The following CEMIP2 variants were observed in gnomAD, a reference collection of about 807,000 sequenced individuals.
The protein encoded by CEMIP2 is cell migration inducing hyaluronidase 2, also known as cell surface hyaluronidase CEMIP2.
A neutral mutation model predicts 146.9 loss-of-function variants in CEMIP2; 79 were observed. The observed-to-expected ratio is 0.54, with a 90% confidence interval of 0.45 to 0.65. The LOEUF is 0.65. CEMIP2 is among the 30% of genes least tolerant of loss of function. CEMIP2 has a pLI of 0.00. For missense variants in CEMIP2, 1,596 were observed against 1,696.2 expected (o/e 0.94, Z 1.04); for synonymous variants, 601 against 606.3 (o/e 0.99, Z 0.13).
intron 17 of CEMIP2, among the ~76,000 whole-genome samples, chr9:71,706,518 T>C (rs1822744311): frequency 6.6e-6 from 1 of 152,190 alleles, no homozygotes; most frequent in South Asian, 2.1e-4. Context: ...ATTTGTAATA[T>C]AGATCAGGTT....
At chr9:71,754,660 T>A (rs1390054611) in intron 1 of CEMIP2, among the ~76,000 whole-genome samples, 1 of 152,198 alleles carries the variant, frequency 6.6e-6, no homozygotes, top group Non-Finnish European at 1.5e-5. Flanking sequence ...CAATGTACTC[T>A]ACAAAGCTTT....
At chr9:71,766,260 A>G (rs1196231052) in intron 1 of CEMIP2, among the ~76,000 whole-genome samples, 1 of 151,366 alleles carries the variant, frequency 6.6e-6, no homozygotes, top group Admixed American at 6.6e-5. Flanking sequence ...TTTAGTAGAG[A>G]TAGGGTTTTA....
intron 6 of CEMIP2, among the ~76,000 whole-genome samples, chr9:71,733,474 C>T (rs1823679151): frequency 6.6e-6 from 1 of 151,964 alleles, no homozygotes; most frequent in East Asian, 1.9e-4. Flanking sequence ...TTGTTTATGC[C>T]CTGTATTATC....
chr9:71,767,512 C>T (rs1346185357), intron 1 of CEMIP2, among the ~76,000 whole-genome samples: 1 of 152,236 alleles, frequency 6.6e-6, no homozygotes, highest in Non-Finnish European at 1.5e-5. Context: ...GTTTTCCTAA[C>T]CTGCGGAGAA....
At chr9:71,756,193 A>AGATGGATAGATG in intron 1 of CEMIP2, among the ~76,000 whole-genome samples, 1 of 145,116 alleles carries the variant, frequency 6.9e-6, no homozygotes, top group African/African-American at 2.5e-5. Context: ...CAAAAATGCT[A>AGATGGATAGATG]GATAGATAGA....
intron 22 of CEMIP2, among the ~76,000 whole-genome samples, chr9:71,688,384 T>C (rs1216718100): frequency 6.6e-6 from 1 of 151,864 alleles, no homozygotes; most frequent in Admixed American, 6.6e-5. Context: ...TTTATGGTAG[T>C]CTTTCTTTCT....
In CEMIP2 at chr9:71,750,264, G is replaced by A. The variant is rs751223139; in HGVS notation, c.110C>T (p.Pro37Leu). The change falls in exon 2 of 24, where the codon CCC becomes CTC. Residue 37 changes from proline to leucine, a missense_variant. Pro to Leu is a moderately conservative substitution (Grantham distance 98). Coordinates refer to ENST00000377044, the MANE Select transcript of CEMIP2 (RefSeq NM_013390.3). ...AGCTTGACTCTTTGGAGGAGGAGGG[G>A]GACGCAATGGGACAACCTTCCCTGG... is the stretch of plus-strand genomic sequence containing the variant. ...YVPGKVVPLRPPPPPKSQASA... is the reference protein window; with the variant it reads ...YVPGKVVPLRLPPPPKSQASA... 1.9e-6 allele frequency: 3 copies of A among 1,613,998 alleles called. No homozygotes were observed. The highest frequency in any genetic ancestry group is 3.3e-4 in the Middle Eastern group (2 of 6,060).
At chr9:71,699,006 C>T (rs933366915) in intron 19 of CEMIP2, among the ~76,000 whole-genome samples, 4 of 146,846 alleles carry the variant, frequency 2.7e-5, no homozygotes, top group Non-Finnish European at 5.9e-5. Context: ...TCAAATGGCA[C>T]ACTGAGTATC....
Position 71,712,122 on chromosome 9 carries a change from G to T in CEMIP2, c.2730C>A (p.Thr910=). The change falls in exon 16 of 24, where the codon ACC becomes ACA. Residue 910 remains threonine, a synonymous_variant. Transcript: ENST00000377044. ...GFLMKNSWQI[T]PRNNISLVKF... is the part of the protein sequence containing the mutation. Reference sequence around the variant, plus strand: ...TCACGAGGGAGATATTATTCCTGGGGGTTATCTGCCAGGAATTCTTCATGA... The same window carrying T: ...TCACGAGGGAGATATTATTCCTGGGTGTTATCTGCCAGGAATTCTTCATGA... The T allele has an allele frequency of 6.2e-7, 1 of 1,614,084 alleles. No homozygotes were observed. The highest frequency in any genetic ancestry group is 1.1e-5 in the South Asian group (1 of 91,050).
Position 71,733,086 on chromosome 9 carries a change from T to A in CEMIP2, c.1394-566A>T, listed in dbSNP as rs567782185. 3.3e-5 allele frequency among the ~76,000 whole-genome samples: 5 copies of A among 152,310 alleles called. No individual in the cohort carries two copies. The East Asian group carries it at 5.8e-4, about 18-fold the overall frequency. ...AAGAACCAAATGCATAGTGAGTCCA[T>A]AAAACAAATGGTGTGTAGATATTAA... is the stretch of plus-strand genomic sequence containing the variant. On this transcript the variant is annotated intron_variant, in intron 6 of 23. Transcript: ENST00000377044.
intron 1 of CEMIP2, among the ~76,000 whole-genome samples, chr9:71,752,438 T>A (rs1289111042): frequency 1.1e-3 from 1 of 878 alleles, no homozygotes; most frequent in African/African-American, 5.1e-3. Context: ...GAATGAAACC[T>A]TACTTTGTTA....
intron 11 of CEMIP2, among the ~76,000 whole-genome samples, chr9:71,723,020 G>A (rs1265874605): frequency 1.3e-5 from 2 of 151,098 alleles, no homozygotes; most frequent in African/African-American, 4.9e-5. Flanking sequence ...GCAAAAGAAT[G>A]GATTGGTGGT....
intron 1 of CEMIP2, among the ~76,000 whole-genome samples, chr9:71,764,834 T>C (rs1215563642): frequency 6.6e-6 from 1 of 152,028 alleles, no homozygotes; most frequent in African/African-American, 2.4e-5. Context: ...ACAATCTAGA[T>C]GAAAATTATA....
intron 13 of CEMIP2, among the ~76,000 whole-genome samples, chr9:71,716,918 T>A (rs1183833651): frequency 2.0e-5 from 3 of 152,214 alleles, no homozygotes; most frequent in Non-Finnish European, 4.4e-5. Flanking sequence ...ATGCCTGTAA[T>A]CCCAACACTT....
chr9:71,734,785 G>A lies in CEMIP2; in HGVS notation c.1393+21C>T, dbSNP rs768336777. The A allele has an allele frequency of 2.6e-6, 4 of 1,547,878 alleles. 1 individual carries two copies. The highest frequency in any genetic ancestry group is 2.4e-5 in the South Asian group (2 of 81,906). ...AAGAAAATAGTGTGTTTCCCAAGAA[G>A]TACTCTAAGCAGTTTAATACCTTTG... On this transcript the variant is annotated intron_variant, in intron 6 of 23. Transcript: ENST00000377044.
chr9:71,692,095 C>T (rs7854661), intron 21 of CEMIP2, among the ~76,000 whole-genome samples: 33,489 of 147,388 alleles, frequency 0.23, 4,383 homozygotes, highest in East Asian at 0.37. Context: ...GATGACAGAG[C>T]GAGACTCTAT....
At chr9:71,761,970 A>G (rs1177508764) in intron 1 of CEMIP2, among the ~76,000 whole-genome samples, 1 of 152,134 alleles carries the variant, frequency 6.6e-6, no homozygotes, top group African/African-American at 2.4e-5. Flanking sequence ...TGCATGTGTA[A>G]ACTAAAGTCT....
intron 23 of CEMIP2, 96 bp from the exon 24 acceptor site, chr9:71,685,489 A>G: frequency 7.5e-7 from 1 of 1,332,332 alleles, no homozygotes; most frequent in Non-Finnish European, 9.8e-7. Flanking sequence ...GGTGAGCAAA[A>G]CAAAGGCAGC....
rs1216935183 is a variant in CEMIP2 at position 71,740,154 on chromosome 9, A to G, written c.1113T>C (p.His371=). Residue 371 remains histidine, a synonymous_variant, in exon 5 of 24, where the codon CAT becomes CAC. Transcript: ENST00000377044. ...CNESVRNYEN[H]SSGGKALAQR... ...GGGCAAGAGCCTTCCCGCCACTGCT[A>G]TGATTTTCATAGTTTCTCACGGATT... 1.2e-6 allele frequency: 2 copies of G among 1,614,138 alleles called. No homozygotes were observed. The highest frequency in any genetic ancestry group is 1.7e-6 in the Non-Finnish European group (2 of 1,180,024).
Sources: allele counts gnomAD v4.1 joint callset (sites outside exome capture counted in the v4.1 genomes callset), GRCh38; gene constraint gnomAD v4.1.1; transcripts MANE v1.5; gene names NCBI Gene and HGNC (gene_info 2026-07-23, HGNC 2026-07-21).